The following BLTP3A variants were observed in gnomAD, a reference collection of about 807,000 sequenced individuals.
BLTP3A encodes bridge-like lipid transfer protein family member 3A.
At chr6:34,817,829 A>C in the BLTP3A span, among the ~76,000 whole-genome samples, 1 of 150,848 alleles carries the variant, frequency 6.6e-6, no homozygotes, top group Admixed American at 6.6e-5. Context: ...CATTCTTGAA[A>C]GGCCCAGCAA....
the BLTP3A span, among the ~76,000 whole-genome samples, chr6:34,827,593 A>G: frequency 1.3e-5 from 2 of 152,150 alleles, no homozygotes; most frequent in African/African-American, 4.8e-5. Flanking sequence ...GAAATATCCC[A>G]TTAGGGATGT....
chr6:34,823,368 G>C, the BLTP3A span: 1 of 1,595,878 alleles, frequency 6.3e-7, no homozygotes, highest in East Asian at 2.2e-5. Flanking sequence ...TTTGAACCCT[G>C]TTATTTCCAA....
At chr6:34,857,524 C>T in the BLTP3A span, 1 of 1,591,106 alleles carries the variant, frequency 6.3e-7, no homozygotes, top group Non-Finnish European at 8.5e-7. Context: ...TCCCATTTGT[C>T]AGCCTTGGGG....
At chr6:34,802,530 C>T in the BLTP3A span, among the ~76,000 whole-genome samples, 30 of 152,166 alleles carry the variant, frequency 2.0e-4, no homozygotes, top group Non-Finnish European at 3.5e-4. Flanking sequence ...CCACCATGCT[C>T]AGCTTATTTT....
the BLTP3A span, chr6:34,823,163 T>G: frequency 3.8e-6 from 4 of 1,062,168 alleles, no homozygotes; most frequent in Non-Finnish European, 4.4e-6. Context: ...TTGACTAGGC[T>G]CTGGAGCACG....
chr6:34,822,330 C>T, the BLTP3A span, among the ~76,000 whole-genome samples: 1 of 151,134 alleles, frequency 6.6e-6, no homozygotes, highest in Non-Finnish European at 1.5e-5. Flanking sequence ...GCAACCTCTG[C>T]CTCCTGGGTT....
At chr6:34,866,062 A>C in the BLTP3A span, among the ~76,000 whole-genome samples, 1 of 152,124 alleles carries the variant, frequency 6.6e-6, no homozygotes, top group African/African-American at 2.4e-5. Flanking sequence ...TTATATATTC[A>C]CCTTAGACAG....
chr6:34,875,675 T>G, the BLTP3A span: 2 of 152,188 alleles, frequency 1.3e-5, no homozygotes, highest in African/African-American at 4.8e-5. Flanking sequence ...TCTTTCCTTA[T>G]GTGGCAGCTT....
chr6:34,842,635 G>A, the BLTP3A span, among the ~76,000 whole-genome samples: 1 of 151,992 alleles, frequency 6.6e-6, no homozygotes, highest in African/African-American at 2.4e-5. Context: ...TTGAGCCCAG[G>A]AGTTCTATTT....
chr6:34,855,735 G>T, the BLTP3A span: 1 of 1,611,550 alleles, frequency 6.2e-7, no homozygotes, highest in African/African-American at 1.3e-5. Context: ...GCCAATTCTC[G>T]CATAGCCCAA....
the BLTP3A span, among the ~76,000 whole-genome samples, chr6:34,848,805 A>G: frequency 6.6e-6 from 1 of 151,854 alleles, no homozygotes; most frequent in Non-Finnish European, 1.5e-5. Context: ...TGTTTAGTCT[A>G]TTTACATTCA....
the BLTP3A span, among the ~76,000 whole-genome samples, chr6:34,847,528 C>T: frequency 7.9e-5 from 12 of 151,922 alleles, no homozygotes; most frequent in Non-Finnish European, 1.3e-4. Context: ...ATGGTTTGAT[C>T]TTAGTAGGCT....
At chr6:34,822,164 C>A in the BLTP3A span, among the ~76,000 whole-genome samples, 1 of 152,016 alleles carries the variant, frequency 6.6e-6, no homozygotes, top group Non-Finnish European at 1.5e-5. Context: ...GGACACAAGA[C>A]CCAGGACTTC....
At chr6:34,792,239 C>T in the BLTP3A span, 1 of 1,535,624 alleles carries the variant, frequency 6.5e-7, no homozygotes, top group East Asian at 2.5e-5. Flanking sequence ...CCACGCGGGC[C>T]GCGGCTCCGG....
chr6:34,841,611 G>A, the BLTP3A span, among the ~76,000 whole-genome samples: 192 of 152,198 alleles, frequency 1.3e-3, no homozygotes, highest in Non-Finnish European at 2.2e-3. Context: ...CTGCTCTAGA[G>A]ACCACTTGAA....
At chr6:34,849,242 A>C in the BLTP3A span, among the ~76,000 whole-genome samples, 2 of 151,444 alleles carry the variant, frequency 1.3e-5, no homozygotes, top group African/African-American at 2.4e-5. Flanking sequence ...CAAGTGATCC[A>C]CCTGTCTTGG....
chr6:34,821,773 G>A, the BLTP3A span: 2 of 1,614,160 alleles, frequency 1.2e-6, no homozygotes. Flanking sequence ...TGCCCACCTG[G>A]TTAGCCATCA....
chr6:34,799,926 C>G, the BLTP3A span, among the ~76,000 whole-genome samples: 2 of 150,788 alleles, frequency 1.3e-5, no homozygotes, highest in East Asian at 3.9e-4. Context: ...TCATTATCTT[C>G]AAGGTTATGC....
chr6:34,859,158 G>A, the BLTP3A span: 3 of 1,614,060 alleles, frequency 1.9e-6, no homozygotes, highest in Non-Finnish European at 2.5e-6. Context: ...AGGTCTTGGA[G>A]GAAAGTAGCA....
Sources: allele counts gnomAD v4.1 joint callset (sites outside exome capture counted in the v4.1 genomes callset), GRCh38; gene constraint gnomAD v4.1.1; transcripts MANE v1.5; gene names NCBI Gene and HGNC (gene_info 2026-07-23, HGNC 2026-07-21).